Variants in ZFYVE9 observed in about 807,000 individuals in gnomAD.
ZFYVE9 encodes zinc finger FYVE domain-containing protein 9.
ZFYVE9 carries 43 observed loss-of-function variants against 126.7 expected under a neutral mutation model. That is an observed-to-expected ratio of 0.34 (90% CI 0.27 to 0.44). The LOEUF (loss-of-function observed/expected upper bound fraction) is 0.44. ZFYVE9 is among the 20% of genes least tolerant of loss of function. ZFYVE9 has a pLI of 1.00. For missense variants in ZFYVE9, 1,476 were observed against 1,697.0 expected, an observed-to-expected ratio of 0.87 and a Z score of 2.29; for synonymous variants, 521 against 597.4, an observed-to-expected ratio of 0.87 and a Z score of 1.87.
At chr1:52,331,021 C>T (rs1032069118) in intron 13 of ZFYVE9, among the ~76,000 whole-genome samples, 1 of 152,084 alleles carries the variant, frequency 6.6e-6, no homozygotes, top group Non-Finnish European at 1.5e-5. Flanking sequence ...CACCCGCCAC[C>T]ACACCCAGCT....
chr1:52,240,148 G>T (rs1391544367), intron 4 of ZFYVE9, among the ~76,000 whole-genome samples: 1 of 152,096 alleles, frequency 6.6e-6, no homozygotes, highest in African/African-American at 2.4e-5. Flanking sequence ...ATACAAAGTA[G>T]AGTTGAAGTC....
chr1:52,147,011 G>A (rs1644311986), intron 1 of ZFYVE9, among the ~76,000 whole-genome samples: 2 of 151,946 alleles, frequency 1.3e-5, no homozygotes, highest in Non-Finnish European at 2.9e-5. Context: ...TCATGTGATG[G>A]GTCACAATCA....
intron 10 of ZFYVE9, among the ~76,000 whole-genome samples, chr1:52,292,017 G>A (rs144315641): frequency 6.2e-4 from 93 of 149,564 alleles, no homozygotes; most frequent in Middle Eastern, 7.4e-3. Context: ...GGTGGCTCGC[G>A]CCTGTAATCC....
At chr1:52,175,461 G>A (rs1255025058) in intron 1 of ZFYVE9, among the ~76,000 whole-genome samples, 1 of 151,010 alleles carries the variant, frequency 6.6e-6, no homozygotes, top group Admixed American at 6.6e-5. Context: ...TTCAACTTTG[G>A]TGAATCTGAC....
chr1:52,232,254 T>C (rs539300327), intron 2 of ZFYVE9, among the ~76,000 whole-genome samples: 4 of 152,222 alleles, frequency 2.6e-5, no homozygotes, highest in African/African-American at 9.6e-5. Context: ...GAAATAGGTG[T>C]GGAGATCATG....
intron 1 of ZFYVE9, among the ~76,000 whole-genome samples, chr1:52,208,578 C>A (rs1462818658): frequency 6.6e-6 from 1 of 150,628 alleles, no homozygotes; most frequent in South Asian, 2.1e-4. Context: ...CTTGGCCTGG[C>A]GCGATCTCAG....
intron 1 of ZFYVE9, among the ~76,000 whole-genome samples, chr1:52,157,932 G>A (rs530111459): frequency 6.6e-6 from 1 of 152,070 alleles, no homozygotes; most frequent in African/African-American, 2.4e-5. Context: ...TAGCTTTGAT[G>A]CATGGTCTTC....
intron 1 of ZFYVE9, among the ~76,000 whole-genome samples, chr1:52,191,431 C>T (rs1018808892): frequency 2.0e-5 from 3 of 152,138 alleles, no homozygotes; most frequent in African/African-American, 7.2e-5. Context: ...GCAGCCATGA[C>T]CCAGTCAGAC....
intron 7 of ZFYVE9, among the ~76,000 whole-genome samples, chr1:52,273,846 C>G (rs1457117776): frequency 6.8e-6 from 1 of 147,422 alleles, no homozygotes; most frequent in African/African-American, 2.5e-5. Context: ...AAATGAACTT[C>G]AAGATTTATT....
intron 9 of ZFYVE9, among the ~76,000 whole-genome samples, chr1:52,279,363 C>CTTT (rs1249433931): frequency 6.6e-6 from 1 of 152,150 alleles, no homozygotes; most frequent in Non-Finnish European, 1.5e-5. Flanking sequence ...AAAGTGTTAA[C>CTTT]TAACACACAG....
At chr1:52,219,241 A>G (rs559021823) in intron 2 of ZFYVE9, among the ~76,000 whole-genome samples, 1 of 152,314 alleles carries the variant, frequency 6.6e-6, no homozygotes, top group East Asian at 1.9e-4. Context: ...CAAGACAGGC[A>G]TCGAATGTAA....
intron 1 of ZFYVE9, among the ~76,000 whole-genome samples, chr1:52,165,906 A>G (rs776476524): frequency 1.3e-5 from 2 of 152,176 alleles, no homozygotes; most frequent in Non-Finnish European, 2.9e-5. Flanking sequence ...TTGGAAGCAT[A>G]TCTTGTATCC....
intron 1 of ZFYVE9, among the ~76,000 whole-genome samples, chr1:52,174,723 T>A (rs1223574148): frequency 1.3e-5 from 2 of 152,228 alleles, no homozygotes; most frequent in African/African-American, 2.4e-5. Context: ...GATAGTTAGC[T>A]CTTCTTGCTG....
intron 2 of ZFYVE9, among the ~76,000 whole-genome samples, chr1:52,232,722 C>T (rs894545546): frequency 1.0e-5 from 1 of 98,818 alleles, no homozygotes; most frequent in Admixed American, 1.3e-4. Flanking sequence ...GAGTGAGACT[C>T]TGTCTCAAAA....
chr1:52,192,411 CAA>C (rs1013589531), intron 1 of ZFYVE9, among the ~76,000 whole-genome samples: 4 of 152,164 alleles, frequency 2.6e-5, no homozygotes, highest in African/African-American at 7.2e-5. Context: ...ATTTAGGAGA[CAA>C]GAGTAGATAA....
intron 16 of ZFYVE9, among the ~76,000 whole-genome samples, chr1:52,338,338 T>C (rs1646407093): frequency 6.6e-6 from 1 of 152,186 alleles, no homozygotes; most frequent in Non-Finnish European, 1.5e-5. Flanking sequence ...TCTACAAAGC[T>C]AGGAAGTGAT....
chr1:52,259,535 C>T (rs113217721), intron 4 of ZFYVE9, among the ~76,000 whole-genome samples: 1 of 151,660 alleles, frequency 6.6e-6, no homozygotes, highest in South Asian at 2.1e-4. Context: ...TGCCTGTAAT[C>T]CCAGCACTTT....
intron 1 of ZFYVE9, among the ~76,000 whole-genome samples, chr1:52,169,521 A>G (rs1644544788): frequency 6.6e-6 from 1 of 152,146 alleles, no homozygotes; most frequent in South Asian, 2.1e-4. Flanking sequence ...ATTTCCATCC[A>G]TTAGAATGTA....
intron 9 of ZFYVE9, among the ~76,000 whole-genome samples, chr1:52,279,914 C>T (rs1645785250): frequency 1.3e-5 from 2 of 152,162 alleles, no homozygotes; most frequent in African/African-American, 4.8e-5. Flanking sequence ...TATACTACTT[C>T]CTTAGAAGTT....
Sources: allele counts gnomAD v4.1 joint callset (sites outside exome capture counted in the v4.1 genomes callset), GRCh38; gene constraint gnomAD v4.1.1; transcripts MANE v1.5; gene names NCBI Gene and HGNC (gene_info 2026-07-23, HGNC 2026-07-21).